The following PTPRD variants were observed in gnomAD, a reference collection of about 807,000 sequenced individuals.
PTPRD encodes the protein protein tyrosine phosphatase receptor type D.
PTPRD carries 34 observed loss-of-function variants against 214.5 expected under a neutral mutation model. That is an observed-to-expected ratio of 0.16 (90% CI 0.12 to 0.21). The LOEUF (loss-of-function observed/expected upper bound fraction) is 0.21. PTPRD is among the 10% of genes least tolerant of loss of function. The pLI is 1.00. For missense variants in PTPRD, 2,545 were observed against 2,398.7 expected, an observed-to-expected ratio of 1.06 and a Z score of -1.27; for synonymous variants, 1,128 against 845.7, an observed-to-expected ratio of 1.33 and a Z score of -5.79.
At chr9:9,861,673 GAT>G (rs2062815186) in intron 5 of PTPRD, among the ~76,000 whole-genome samples, 1 of 152,300 alleles carries the variant, frequency 6.6e-6, no homozygotes, top group East Asian at 1.9e-4. Flanking sequence ...TGTTTGTAGT[GAT>G]ATGATTCATA....
In PTPRD at chr9:9,888,787, C is replaced by T. The variant is rs112209618; in HGVS notation, c.-368+49720G>A. 1.5e-3 allele frequency among the ~76,000 whole-genome samples: 225 copies of T among 152,134 alleles called. 2 individuals are homozygous for T. The highest frequency in any genetic ancestry group is 5.3e-3 in the African/African-American group (220 of 41,510). ...AGCCTCAAGTGTTCCTTTATAGCAA[C>T]ACAAATGGACTAAGACAGATAGGGA... On this transcript the variant is annotated intron_variant, in intron 5 of 45. Coordinates refer to ENST00000381196, the MANE Select transcript of PTPRD (RefSeq NM_002839.4).
intron 3 of PTPRD, among the ~76,000 whole-genome samples, chr9:10,101,749 A>G (rs1390169661): frequency 6.6e-6 from 1 of 151,734 alleles, no homozygotes; most frequent in Non-Finnish European, 1.5e-5. Flanking sequence ...TGGAAAGGTG[A>G]CCTCAACTGT....
intron 11 of PTPRD, among the ~76,000 whole-genome samples, chr9:8,770,384 AAAT>A (rs1387006241): frequency 3.3e-5 from 5 of 152,162 alleles, no homozygotes; most frequent in Non-Finnish European, 7.3e-5. Flanking sequence ...TAATACAATC[AAAT>A]AATTAGAAAA....
intron 2 of PTPRD, among the ~76,000 whole-genome samples, chr9:10,590,723 T>C (rs1432287422): frequency 1.3e-5 from 2 of 151,890 alleles, no homozygotes; most frequent in Non-Finnish European, 2.9e-5. Context: ...TCAAATTCAT[T>C]TTTGAAGCAG....
intron 9 of PTPRD, among the ~76,000 whole-genome samples, chr9:9,196,518 G>C (rs1268054078): frequency 6.6e-6 from 1 of 152,112 alleles, no homozygotes; most frequent in Non-Finnish European, 1.5e-5. Flanking sequence ...TCTAAAGTTA[G>C]ACAGGTCTAG....
At chr9:8,700,294 C>A (rs537057322) in intron 12 of PTPRD, among the ~76,000 whole-genome samples, 2 of 152,160 alleles carry the variant, frequency 1.3e-5, no homozygotes, top group Non-Finnish European at 2.9e-5. Context: ...TGTAGTAAAA[C>A]CCTCGAATTC....
chr9:9,837,801 G>A (rs2057213458), intron 5 of PTPRD, among the ~76,000 whole-genome samples: 1 of 151,948 alleles, frequency 6.6e-6, no homozygotes, highest in African/African-American at 2.4e-5. Context: ...AAGTTTTAGG[G>A]TACATGTGCA....
At chr9:8,933,166 C>T (rs1031892524) in intron 11 of PTPRD, among the ~76,000 whole-genome samples, 1 of 151,918 alleles carries the variant, frequency 6.6e-6, no homozygotes, top group African/African-American at 2.4e-5. Flanking sequence ...TGACGCCCCA[C>T]CCTGCTTCTG....
chr9:10,105,295 A>T (rs1485025460), intron 3 of PTPRD, among the ~76,000 whole-genome samples: 1 of 151,908 alleles, frequency 6.6e-6, no homozygotes, highest in Non-Finnish European at 1.5e-5. Flanking sequence ...ATAAGTTAAT[A>T]TCTATTATTG....
At chr9:8,355,109 T>G (rs751146578) in intron 39 of PTPRD, among the ~76,000 whole-genome samples, 1 of 152,086 alleles carries the variant, frequency 6.6e-6, no homozygotes, top group Non-Finnish European at 1.5e-5. Context: ...GGATCGTTCA[T>G]GAAGGCTTGG....
chr9:10,360,165 C>T (rs1288539326), intron 2 of PTPRD, among the ~76,000 whole-genome samples: 1 of 152,194 alleles, frequency 6.6e-6, no homozygotes, highest in African/African-American at 2.4e-5. Context: ...TATAATAAAA[C>T]TAGAGGCTGG....
chr9:8,791,681 G>C (rs1255148415), intron 11 of PTPRD, among the ~76,000 whole-genome samples: 1 of 151,840 alleles, frequency 6.6e-6, no homozygotes, highest in Non-Finnish European at 1.5e-5. Context: ...TATCATGAGG[G>C]TTTGTGGACT....
intron 11 of PTPRD, among the ~76,000 whole-genome samples, chr9:8,976,045 C>T (rs1200304964): frequency 2.6e-5 from 4 of 151,984 alleles, no homozygotes; most frequent in Non-Finnish European, 4.4e-5. Flanking sequence ...TTTGCCTTCA[C>T]TTTGAAATAT....
At chr9:9,845,188 A>C (rs1163772491) in intron 5 of PTPRD, among the ~76,000 whole-genome samples, 4 of 134,948 alleles carry the variant, frequency 3.0e-5, no homozygotes, top group South Asian at 2.3e-4. Flanking sequence ...ATATTGCTCT[A>C]TATATATAGC....
intron 8 of PTPRD, among the ~76,000 whole-genome samples, chr9:9,498,415 G>A (rs528472471): frequency 2.0e-5 from 3 of 152,144 alleles, no homozygotes; most frequent in African/African-American, 7.2e-5. Context: ...TTATAAACTT[G>A]GACTTCACCT....
intron 8 of PTPRD, among the ~76,000 whole-genome samples, chr9:9,468,073 A>G (rs538544184): frequency 2.2e-4 from 33 of 152,170 alleles, no homozygotes; most frequent in Non-Finnish European, 3.1e-4. Context: ...GTGGAAATTT[A>G]CTTCTTAGGA....
chr9:9,354,812 A>C lies in PTPRD; in HGVS notation c.-203+42637T>G, dbSNP rs374279279. Among the ~76,000 whole-genome samples the C allele has an allele frequency of 6.6e-5, 10 of 151,804 alleles. 1 individual carries two copies. Among genetic ancestry groups the C allele is most frequent in the African/African-American group, 1.9e-4 (8 of 41,388 alleles). On this transcript the variant is annotated intron_variant, in intron 9 of 45. Transcript: ENST00000381196. Reference sequence around the variant, plus strand: ...GAGAAACTGAGATTTGAGCAAACACATGCAAGAAGTGATGGAGTTGTGCAT... The same window carrying C: ...GAGAAACTGAGATTTGAGCAAACACCTGCAAGAAGTGATGGAGTTGTGCAT...
rs2096529810 is a variant in PTPRD at position 8,465,615 on chromosome 9, T to G, written c.3565A>C (p.Lys1189Gln). ...SIRYGREVELKPYIAAHFDVL... is the reference protein window; with the variant it reads ...SIRYGREVELQPYIAAHFDVL... ...TCAAAGTGAGCGGCAATATATGGCT[T>G]TAATTCAACTTCTCTCCCATAACGG... The change falls in exon 32 of 46, where the codon AAG (lysine) becomes CAG (glutamine). Residue 1189 changes from lysine to glutamine, a missense_variant. Coordinates refer to ENST00000381196, the MANE Select transcript of PTPRD (RefSeq NM_002839.4). The G allele has an allele frequency of 1.2e-6, 2 of 1,612,464 alleles. No individual in the cohort carries two copies. Among genetic ancestry groups the G allele is most frequent in the Non-Finnish European group, 1.7e-6 (2 of 1,178,982 alleles).
At chr9:9,753,967 C>T (rs1467816663) in intron 6 of PTPRD, among the ~76,000 whole-genome samples, 1 of 152,020 alleles carries the variant, frequency 6.6e-6, no homozygotes, top group Non-Finnish European at 1.5e-5. Context: ...CATAAGCTTA[C>T]TTAGATCCCC....
Sources: allele counts gnomAD v4.1 joint callset (sites outside exome capture counted in the v4.1 genomes callset), GRCh38; gene constraint gnomAD v4.1.1; transcripts MANE v1.5; gene names NCBI Gene and HGNC (gene_info 2026-07-23, HGNC 2026-07-21).